The following AP3M1 variants were observed in gnomAD, a reference collection of about 807,000 sequenced individuals.
AP3M1 encodes adaptor related protein complex 3 subunit mu 1.
A neutral mutation model predicts 42.6 loss-of-function variants in AP3M1; 29 were observed. The ratio of observed to expected loss-of-function variants is 0.68; its 90% confidence interval spans 0.51 to 0.93. The LOEUF is 0.93. Ranked by LOEUF, AP3M1 falls within the 40% of genes least tolerant of loss-of-function variation. The pLI, the probability that AP3M1 is intolerant of heterozygous loss-of-function variation, is 0.00. For synonymous variants in AP3M1, 178 were observed against 175.3 expected, an observed-to-expected ratio of 1.02 and a Z score of -0.12; for missense variants, 416 against 510.2, an observed-to-expected ratio of 0.82 and a Z score of 1.78.
At chr10:74,148,030 T>C (rs982433327) in intron 1 of AP3M1, among the ~76,000 whole-genome samples, 2 of 151,990 alleles carry the variant, frequency 1.3e-5, no homozygotes, top group Non-Finnish European at 2.9e-5. Flanking sequence ...GGTAGTTCAG[T>C]GGAATGCTAG....
intron 1 of AP3M1, among the ~76,000 whole-genome samples, chr10:74,142,346 G>A (rs965918142): frequency 6.6e-6 from 1 of 152,138 alleles, no homozygotes; most frequent in African/African-American, 2.4e-5. Flanking sequence ...AAAGAGGAAA[G>A]GAAGACTTTC....
intron 1 of AP3M1, among the ~76,000 whole-genome samples, chr10:74,142,814 T>C (rs1294725293): frequency 6.6e-6 from 1 of 152,252 alleles, no homozygotes; most frequent in African/African-American, 2.4e-5. Context: ...CTATAATCTT[T>C]AGCTGATAAA....
At chr10:74,124,359 A>G (rs1840553637) in intron 8 of AP3M1, 21 bp downstream of exon 8, 1 of 1,583,180 alleles carries the variant, frequency 6.3e-7, no homozygotes, top group East Asian at 2.2e-5. Flanking sequence ...ACCCTTAACT[A>G]CAAGTCAACC....
chr10:74,138,594 T>A (rs1216510827), intron 1 of AP3M1, among the ~76,000 whole-genome samples: 2 of 106,212 alleles, frequency 1.9e-5, no homozygotes, highest in African/African-American at 3.6e-5. Context: ...AACATCCTTT[T>A]ACGAAAAAAA....
chr10:74,123,956 C>G (rs768589452), intron 8 of AP3M1, 46 bp from the exon 9 acceptor site: 1 of 1,521,842 alleles, frequency 6.6e-7, no homozygotes, highest in Admixed American at 1.7e-5. Context: ...TCATCCCAAC[C>G]AATATAATGT....
chr10:74,140,398 A>G (rs1841107669), intron 1 of AP3M1, among the ~76,000 whole-genome samples: 1 of 152,216 alleles, frequency 6.6e-6, no homozygotes, highest in Admixed American at 6.5e-5. Context: ...AGCGCCTTCA[A>G]AGCGGGGTCT....
intron 6 of AP3M1, 38 bp downstream of exon 6, chr10:74,129,070 A>G: frequency 6.2e-7 from 1 of 1,610,344 alleles, no homozygotes; most frequent in Non-Finnish European, 8.5e-7. Context: ...TGTACTTGAT[A>G]TGTATGATGG....
In AP3M1 at chr10:74,134,091, C is replaced by T; in HGVS notation, c.519G>A (p.Lys173=). ...SNIPWRRAGV[K]YTNNEAYFDV... ...CAAAATAGGCTTCATTGTTTGTGTA[C>T]TTTACCCCTGCCCGACGCCATGGTA... The change falls in exon 4 of 9, where the codon AAG becomes AAA. Residue 173 remains lysine (K), a synonymous_variant. Transcript: ENST00000355264. 1 of 1,614,170 alleles carries T rather than the reference C, an allele frequency of 6.2e-7. No homozygotes were observed. Among genetic ancestry groups the T allele is most frequent in the South Asian group, 1.1e-5 (1 of 91,084 alleles).
intron 1 of AP3M1, among the ~76,000 whole-genome samples, chr10:74,143,663 A>T (rs1841228817): frequency 6.6e-6 from 1 of 152,234 alleles, no homozygotes; most frequent in Non-Finnish European, 1.5e-5. Context: ...TACTACTATT[A>T]TCCCCATTTT....
chr10:74,123,040 C>G lies in AP3M1; in HGVS notation c.*770G>C, dbSNP rs1458055596. 6.6e-6 allele frequency: 1 copy of G among 152,574 alleles called. No individual in the cohort carries two copies. 9.5% of individuals were successfully genotyped at this position (152,574 alleles called of 1,614,324 possible). A position where few individuals can be genotyped will look rare whatever the true frequency, so the allele number is the denominator to read the frequency against. On this transcript the variant is annotated 3_prime_UTR_variant, in exon 9 of 9. Transcript: ENST00000355264. Reference sequence around the variant, plus strand: ...TTCCTAAAAGCAGAAGTAATGTTCCCTTTTACTACCTTAATAAAGCATTTG... The same window carrying G: ...TTCCTAAAAGCAGAAGTAATGTTCCGTTTTACTACCTTAATAAAGCATTTG...
chr10:74,125,354 G>A (rs1840583976), intron 7 of AP3M1, among the ~76,000 whole-genome samples: 2 of 152,214 alleles, frequency 1.3e-5, no homozygotes, highest in Non-Finnish European at 2.9e-5. Flanking sequence ...GAAACCCATT[G>A]TTCAAATGAA....
intron 1 of AP3M1, among the ~76,000 whole-genome samples, chr10:74,139,988 G>C (rs1304284755): frequency 1.3e-5 from 2 of 151,644 alleles, no homozygotes; most frequent in Non-Finnish European, 2.9e-5. Context: ...ATAAGGAATT[G>C]AAAAAGATCA....
chr10:74,127,601 G>A (rs1356298287), intron 6 of AP3M1, among the ~76,000 whole-genome samples: 1 of 151,958 alleles, frequency 6.6e-6, no homozygotes, highest in Non-Finnish European at 1.5e-5. Flanking sequence ...AGAGGTTGCA[G>A]TGAGCCAAGA....
chr10:74,137,034 A>G (rs890219008), intron 2 of AP3M1, among the ~76,000 whole-genome samples: 2 of 152,114 alleles, frequency 1.3e-5, no homozygotes, highest in African/African-American at 2.4e-5. Flanking sequence ...GAGGTCAGGA[A>G]TTCAAGACCA....
intron 5 of AP3M1, 148 bp from the exon 6 acceptor site, chr10:74,129,389 C>T: frequency 1.4e-6 from 1 of 692,082 alleles, no homozygotes; most frequent in South Asian, 2.4e-5. Flanking sequence ...TTTCATAATG[C>T]TTTAAAGTTT....
Position 74,126,275 on chromosome 10 carries a change from AT to A in AP3M1, c.883del (p.Ile295LeufsTer16). 6.2e-7 allele frequency: 1 copy of A among 1,614,176 alleles called. No individual in the cohort carries two copies. The highest frequency in any genetic ancestry group is 8.5e-7 in the Non-Finnish European group (1 of 1,180,034). The stretch of plus-strand genomic sequence containing the variant: ...TTTCCCCATATTCTGCTTTGGTCCA[AT>A]TGTTATATCAAATCTGCCGCAAGAA... ...NSSCGRFDIT[I>X]GPKQNMGKTI... On this transcript the variant is annotated frameshift_variant, in exon 7 of 9. Transcript: ENST00000355264. LOFTEE classifies it high-confidence loss of function.
At chr10:74,132,992 C>T (rs998043978) in intron 4 of AP3M1, among the ~76,000 whole-genome samples, 1 of 152,202 alleles carries the variant, frequency 6.6e-6, no homozygotes, top group African/African-American at 2.4e-5. Context: ...GTGGCTCACG[C>T]CTGTAATCCC....
chr10:74,135,583 T>G (rs2131980394), intron 3 of AP3M1, among the ~76,000 whole-genome samples: 1 of 152,316 alleles, frequency 6.6e-6, no homozygotes, highest in African/African-American at 2.4e-5. Flanking sequence ...TCATTGTAAA[T>G]ACTTTTTTGT....
At chr10:74,124,025 A>G (rs953543309) in intron 8 of AP3M1, 115 bp from the exon 9 acceptor site, 3 of 920,662 alleles carry the variant, frequency 3.3e-6, no homozygotes, top group Admixed American at 2.2e-5. Flanking sequence ...CACCATTTGG[A>G]AGAAATGTCT....
Sources: gnomAD v4.1 joint callset for allele counts (sites outside exome capture counted in the v4.1 genomes callset) on GRCh38, gnomAD v4.1.1 for gene constraint, MANE v1.5 for transcripts, NCBI Gene and HGNC (gene_info 2026-07-23, HGNC 2026-07-21) for gene names.